KCNIP4: variants seen among roughly 807,000 people sequenced by gnomAD.
KCNIP4 encodes potassium voltage-gated channel interacting protein 4.
In KCNIP4, 12 loss-of-function variants were observed where a neutral mutation model predicts 34.0. The ratio of observed to expected loss-of-function variants is 0.35; its 90% CI spans 0.23 to 0.57. The LOEUF (loss-of-function observed/expected upper bound fraction) is 0.57. Among genes scored for constraint, KCNIP4 ranks in the 20% least tolerant of loss-of-function variants. KCNIP4 has a pLI of 0.83. For missense variants in KCNIP4, 238 were observed against 311.7 expected (o/e 0.76, Z 1.78); for synonymous variants, 124 against 102.2 (o/e 1.21, Z -1.29).
chr4:20,747,077 A>G (rs999009590), intron 5 of KCNIP4, among the ~76,000 whole-genome samples: 1 of 152,214 alleles, frequency 6.6e-6, no homozygotes, highest in Admixed American at 6.5e-5. Flanking sequence ...ACCAACATGC[A>G]TATCATATAT....
chr4:21,913,938 G>A (rs1728485118), intron 1 of KCNIP4, among the ~76,000 whole-genome samples: 1 of 152,052 alleles, frequency 6.6e-6, no homozygotes, highest in African/African-American at 2.4e-5. Flanking sequence ...TAGGTGGAGG[G>A]ATGTAGGAAA....
chr4:20,978,955 T>C (rs958743800), intron 1 of KCNIP4, among the ~76,000 whole-genome samples: 35 of 152,128 alleles, frequency 2.3e-4, no homozygotes. Flanking sequence ...AAAGTACTGG[T>C]AATTATTAAA....
chr4:21,909,758 C>A (rs943593134), intron 1 of KCNIP4, among the ~76,000 whole-genome samples: 2 of 151,974 alleles, frequency 1.3e-5, no homozygotes, highest in East Asian at 3.9e-4. Context: ...GATGGGGAGG[C>A]CTCACAATCA....
intron 1 of KCNIP4, among the ~76,000 whole-genome samples, chr4:21,648,780 T>A (rs4393982): frequency 0.3 from 45,458 of 152,046 alleles, 8,288 homozygotes; most frequent in East Asian, 0.9. Context: ...GGAAAAATTC[T>A]GTCAAATTTA....
At chr4:21,287,891 A>G (rs1763216231) in intron 1 of KCNIP4, among the ~76,000 whole-genome samples, 1 of 152,206 alleles carries the variant, frequency 6.6e-6, no homozygotes, top group South Asian at 2.1e-4. Context: ...GGAAGAAACA[A>G]ATACTATAAA....
chr4:21,408,576 T>A (rs2109579924), intron 1 of KCNIP4, among the ~76,000 whole-genome samples: 1 of 152,346 alleles, frequency 6.6e-6, no homozygotes, highest in East Asian at 1.9e-4. Flanking sequence ...TGCAAAGTAA[T>A]TGTTTTCAGT....
At chr4:21,409,689 A>G (rs1025512141) in intron 1 of KCNIP4, among the ~76,000 whole-genome samples, 2 of 152,234 alleles carry the variant, frequency 1.3e-5, no homozygotes, top group African/African-American at 4.8e-5. Flanking sequence ...TGCTTGCTAT[A>G]AAATACATCG....
chr4:21,308,276 T>A (rs1712710954), intron 1 of KCNIP4, among the ~76,000 whole-genome samples: 5 of 152,168 alleles, frequency 3.3e-5, no homozygotes, highest in Admixed American at 3.3e-4. Context: ...GAGGCCAATA[T>A]CCCTCCTTCA....
At chr4:20,985,108 G>A (rs1736452691) in intron 1 of KCNIP4, among the ~76,000 whole-genome samples, 2 of 152,142 alleles carry the variant, frequency 1.3e-5, no homozygotes, top group South Asian at 2.1e-4. Context: ...AATCAACAGG[G>A]ACTCTGTAGG....
At chr4:21,725,954 A>G (rs1455938311) in intron 1 of KCNIP4, among the ~76,000 whole-genome samples, 1 of 152,168 alleles carries the variant, frequency 6.6e-6, no homozygotes, top group Non-Finnish European at 1.5e-5. Flanking sequence ...AGTGAAAGGA[A>G]ATCTATCACT....
At chr4:21,188,055 A>T (rs1279456658) in intron 1 of KCNIP4, among the ~76,000 whole-genome samples, 1 of 152,228 alleles carries the variant, frequency 6.6e-6, no homozygotes, top group Non-Finnish European at 1.5e-5. Context: ...ACTTTTACAA[A>T]TCATGTAGCA....
chr4:21,085,071 A>G (rs981413887), intron 1 of KCNIP4, among the ~76,000 whole-genome samples: 14 of 152,114 alleles, frequency 9.2e-5, no homozygotes, highest in African/African-American at 3.1e-4. Context: ...TATGGACTCA[A>G]TGTTTGTGCC....
At chr4:20,778,390 T>C (rs1560458413) in intron 3 of KCNIP4, among the ~76,000 whole-genome samples, 1 of 152,198 alleles carries the variant, frequency 6.6e-6, no homozygotes, top group Non-Finnish European at 1.5e-5. Context: ...ATTTATTGAA[T>C]TTAAATCAAG....
At chr4:20,798,830 T>C (rs1713844848) in intron 3 of KCNIP4, among the ~76,000 whole-genome samples, 1 of 152,152 alleles carries the variant, frequency 6.6e-6, no homozygotes, top group Non-Finnish European at 1.5e-5. Flanking sequence ...CCTACAGTCC[T>C]CACAAGCTCT....
chr4:21,780,351 C>G (rs981879738), intron 1 of KCNIP4, among the ~76,000 whole-genome samples: 11 of 152,044 alleles, frequency 7.2e-5, no homozygotes, highest in Admixed American at 2.6e-4. Flanking sequence ...TAAAAATAAA[C>G]AGTTTGCTTG....
intron 1 of KCNIP4, among the ~76,000 whole-genome samples, chr4:21,327,165 T>C (rs1038825104): frequency 3.3e-5 from 5 of 152,206 alleles, no homozygotes; most frequent in African/African-American, 1.2e-4. Flanking sequence ...TAACTTCATA[T>C]GATATTTTCT....
At chr4:21,063,301 A>G (rs1744084480) in intron 1 of KCNIP4, among the ~76,000 whole-genome samples, 1 of 152,190 alleles carries the variant, frequency 6.6e-6, no homozygotes, top group Non-Finnish European at 1.5e-5. Context: ...TTAACAGGTT[A>G]CACCATCTAT....
At chr4:21,614,042 C>T (rs369390064) in intron 1 of KCNIP4, among the ~76,000 whole-genome samples, 97 of 150,424 alleles carry the variant, frequency 6.4e-4, no homozygotes, top group South Asian at 2.3e-3. Context: ...TCCAGCTATG[C>T]GGGAGACTGA....
At chr4:21,817,939 C>G (rs888050036) in intron 1 of KCNIP4, among the ~76,000 whole-genome samples, 1 of 152,096 alleles carries the variant, frequency 6.6e-6, no homozygotes, top group Admixed American at 6.6e-5. Context: ...CTGCTTTTGC[C>G]CTTTGTCCTG....
Sources: allele counts gnomAD v4.1 joint callset (sites outside exome capture counted in the v4.1 genomes callset), GRCh38; gene constraint gnomAD v4.1.1; transcripts MANE v1.5; gene names NCBI Gene and HGNC (gene_info 2026-07-23, HGNC 2026-07-21).